Variants in ZNF782 observed in about 807,000 individuals in gnomAD.
The protein encoded by ZNF782 is zinc finger protein 782.
A neutral mutation model predicts 13.0 loss-of-function variants in ZNF782; 12 were observed. The ratio of observed to expected loss-of-function variants is 0.92; its 90% CI spans 0.59 to 1.50. ZNF782 has a LOEUF of 1.50. ZNF782 is among the 40% of genes most tolerant of loss of function. The pLI, the probability that ZNF782 is intolerant of heterozygous loss-of-function variation, is 0.00. For synonymous variants in ZNF782, 284 were observed against 283.0 expected, an observed-to-expected ratio of 1.00 and a Z score of -0.04; for missense variants, 770 against 822.9, an observed-to-expected ratio of 0.94 and a Z score of 0.79.
the ZNF782 span, among the ~76,000 whole-genome samples, chr9:96,900,516 G>A: frequency 1.3e-5 from 2 of 152,252 alleles, no homozygotes; most frequent in East Asian, 1.9e-4. Flanking sequence ...GAGGCGGGGG[G>A]ATCACCTGAG....
the ZNF782 span, among the ~76,000 whole-genome samples, chr9:96,929,380 G>C: frequency 6.6e-6 from 1 of 151,846 alleles, no homozygotes; most frequent in African/African-American, 2.4e-5. Flanking sequence ...AGAATGACGG[G>C]CAAGCCTGAG....
chr9:96,896,824 G>A, the ZNF782 span, among the ~76,000 whole-genome samples: 3 of 152,180 alleles, frequency 2.0e-5, no homozygotes, highest in East Asian at 5.8e-4. Flanking sequence ...GTGGCAGATA[G>A]GGATACTATC....
chr9:96,866,858 C>T (rs1055846168), intron 1 of ZNF782, among the ~76,000 whole-genome samples: 1 of 152,226 alleles, frequency 6.6e-6, no homozygotes, highest in African/African-American at 2.4e-5. Flanking sequence ...TTTGACTGCC[C>T]TGCTGGATTT....
At chr9:96,866,724 G>A (rs549422812) in intron 1 of ZNF782, among the ~76,000 whole-genome samples, 3 of 152,226 alleles carry the variant, frequency 2.0e-5, no homozygotes, top group Non-Finnish European at 2.9e-5. Flanking sequence ...CAGCTAGGAG[G>A]GGGGGTTATA....
the ZNF782 span, among the ~76,000 whole-genome samples, chr9:96,930,871 G>GTTTTTTTTTTTTT: frequency 9.6e-6 from 1 of 104,404 alleles, no homozygotes; most frequent in African/African-American, 3.7e-5. Flanking sequence ...TCCATCCAGT[G>GTTTTTTTTTTTTT]GTTTTTTTTT....
chr9:96,860,258 C>T (rs1163118952), exon 3 of ZNF782: 1 of 152,698 alleles, frequency 6.5e-6, no homozygotes, highest in Non-Finnish European at 1.5e-5. Flanking sequence ...TTGGAGAGCC[C>T]TGGGGCCTTG....
the ZNF782 span, among the ~76,000 whole-genome samples, chr9:96,912,169 C>A: frequency 1.5e-5 from 2 of 131,550 alleles, no homozygotes; most frequent in African/African-American, 5.9e-5. Context: ...CATCGCACTG[C>A]AGCTTGGGCA....
the ZNF782 span, chr9:96,931,765 C>T: frequency 5.6e-6 from 9 of 1,611,634 alleles, no homozygotes; most frequent in Admixed American, 1.7e-5. Flanking sequence ...ACCCTGGCAC[C>T]TCCCTGTCTG....
At chr9:96,849,060 C>G (rs1213397189) in intron 3 of ZNF782, among the ~76,000 whole-genome samples, 3 of 152,114 alleles carry the variant, frequency 2.0e-5, no homozygotes, top group Non-Finnish European at 4.4e-5. Flanking sequence ...ACAAAGCATA[C>G]AAAAACACAA....
In ZNF782 at chr9:96,817,635, TGAG is replaced by T. The variant is rs1850213772; in HGVS notation, c.*285_*287del. The T allele has an allele frequency of 3.5e-6, 1 of 281,918 alleles. No individual in the cohort carries two copies. Among genetic ancestry groups the T allele is most frequent in the Non-Finnish European group, 6.5e-6 (1 of 153,302 alleles). 17.5% of individuals were successfully genotyped at this position (281,918 alleles called of 1,614,324 possible). ...GAGCTTTTCTGCAGCGTGAGTTTTC[TGAG>T]GAGTGAGTTCGCAAGAGTATTTTCC... On this transcript the variant is annotated 3_prime_UTR_variant, in exon 6 of 6. Transcript: ENST00000481138.
At chr9:96,820,537 T>C (rs1850378632) in intron 5 of ZNF782, among the ~76,000 whole-genome samples, 2 of 150,674 alleles carry the variant, frequency 1.3e-5, no homozygotes, top group South Asian at 4.2e-4. Context: ...TGTTCAATAG[T>C]GAATCTTTTT....
At chr9:96,863,550 C>T (rs1044860567) in intron 1 of ZNF782, among the ~76,000 whole-genome samples, 1 of 152,158 alleles carries the variant, frequency 6.6e-6, no homozygotes, top group Non-Finnish European at 1.5e-5. Flanking sequence ...ATGAAAAAGA[C>T]ACATGCACAA....
At chr9:96,924,866 G>T in the ZNF782 span, among the ~76,000 whole-genome samples, 1 of 152,212 alleles carries the variant, frequency 6.6e-6, no homozygotes, top group Non-Finnish European at 1.5e-5. Context: ...GTGAGCAAGG[G>T]AAAGGAGCGC....
chr9:96,900,238 T>C, the ZNF782 span, among the ~76,000 whole-genome samples: 11 of 150,014 alleles, frequency 7.3e-5, no homozygotes, highest in East Asian at 1.2e-3. Context: ...AACCTCTGCA[T>C]TGCCCAACCC....
chr9:96,816,290 T>C lies in ZNF782; in HGVS notation c.*1633A>G, dbSNP rs1343996039. On this transcript the variant is annotated 3_prime_UTR_variant, in exon 6 of 6. Coordinates refer to ENST00000481138, the MANE Select transcript of ZNF782 (RefSeq NM_001001662.3). ...GATATTTTCTGTAAAAGGTTTGTTA[T>C]TAATATTCATGTGGCAAATTGTAGC... Among the ~76,000 whole-genome samples the C allele has an allele frequency of 6.6e-6, 1 of 152,222 alleles. No homozygotes were observed. The highest frequency in any genetic ancestry group is 1.5e-5 in the Non-Finnish European group (1 of 68,040).
At chr9:96,925,009 T>C in the ZNF782 span, among the ~76,000 whole-genome samples, 1 of 152,230 alleles carries the variant, frequency 6.6e-6, no homozygotes, top group Admixed American at 6.5e-5. Context: ...AGGAGGCGAT[T>C]ACCTTCTAAT....
In ZNF782 at chr9:96,872,560, T is replaced by C. The variant is rs568278469; in HGVS notation, c.-457+2908A>G. ...AAAAAAAAAATTGTGACTAGTATGT[T>C]TTTAACTCTTCTATTCACATAGTGT... is the stretch of plus-strand genomic sequence containing the variant. On this transcript the variant is annotated intron_variant, in intron 1 of 5. Coordinates refer to the ZNF782 transcript ENST00000498811. Among the ~76,000 whole-genome samples the C allele has an allele frequency of 3.9e-5, 6 of 152,254 alleles. No homozygotes were observed. The South Asian group carries it at 1.2e-3, about 32-fold the overall frequency.
the ZNF782 span, among the ~76,000 whole-genome samples, chr9:96,911,904 T>C: frequency 0.1 from 13,388 of 129,852 alleles, 1 homozygote; most frequent in East Asian, 0.32. Flanking sequence ...TTTATATGAT[T>C]TGGTTAAAAA....
chr9:96,870,936 C>T lies in ZNF782; in HGVS notation c.-457+4532G>A, dbSNP rs1051237687. The stretch of plus-strand genomic sequence containing the variant: ...TTGCCATTCATATCCTCTGTAAGCA[C>T]TTCTTATTAGCAGTTAGCATGTTTG... On this transcript the variant is annotated intron_variant, in intron 1 of 5. Transcript: ENST00000498811. 2.6e-5 allele frequency among the ~76,000 whole-genome samples: 4 copies of T among 152,262 alleles called. 1 individual carries two copies. The highest frequency in any genetic ancestry group is 5.9e-5 in the Non-Finnish European group (4 of 68,024).
Sources: allele counts gnomAD v4.1 joint callset (sites outside exome capture counted in the v4.1 genomes callset), GRCh38; gene constraint gnomAD v4.1.1; transcripts MANE v1.5; gene names NCBI Gene and HGNC (gene_info 2026-07-23, HGNC 2026-07-21).